Variants in LYPLAL1 observed in about 807,000 individuals in gnomAD.
The protein encoded by LYPLAL1 is lysophospholipase-like protein 1.
LYPLAL1 carries 23 observed loss-of-function variants against 19.7 expected under a neutral mutation model. That is an observed-to-expected ratio of 1.17 (90% confidence interval 0.84 to 1.65). The LOEUF is 1.65. Ranked by LOEUF, LYPLAL1 falls within the 40% of genes most tolerant of loss-of-function variation. LYPLAL1 has a pLI of 0.00. For missense variants in LYPLAL1, 355 were observed against 279.4 expected, an observed-to-expected ratio of 1.27 and a Z score of -1.93; for synonymous variants, 119 against 96.3, an observed-to-expected ratio of 1.24 and a Z score of -1.38.
chr1:219,310,503 C>A, the LYPLAL1 span, among the ~76,000 whole-genome samples: 1 of 152,210 alleles, frequency 6.6e-6, no homozygotes, highest in Admixed American at 6.5e-5. Context: ...AAGATCAAGG[C>A]CTGTGAGTAA....
the LYPLAL1 span, among the ~76,000 whole-genome samples, chr1:219,414,434 G>C: frequency 6.6e-6 from 1 of 152,082 alleles, no homozygotes; most frequent in Non-Finnish European, 1.5e-5. Flanking sequence ...GCAAATATCC[G>C]GACTTAAATT....
At chr1:219,350,923 C>T in the LYPLAL1 span, among the ~76,000 whole-genome samples, 1 of 152,080 alleles carries the variant, frequency 6.6e-6, no homozygotes, top group Admixed American at 6.6e-5. Flanking sequence ...CCTGGCAGGG[C>T]TTCTGCAAGA....
rs1409617361 is a variant in LYPLAL1, at chr1:219,193,258, C to A, written c.361+7C>A. 1 of 1,598,568 alleles carries A rather than the reference C, an allele frequency of 6.3e-7. No homozygotes were observed. Among genetic ancestry groups the A allele is most frequent in the Non-Finnish European group, 8.5e-7 (1 of 1,170,830 alleles). On this transcript the variant is annotated splice_region_variant and intron_variant, in intron 3 of 4. Coordinates refer to ENST00000366928, the MANE Select transcript of LYPLAL1 (RefSeq NM_138794.5). ...AAGAACAGGATATTAATAGGTAAGA[C>A]CTTTAAATGTTGGTAATTTATCACT...
chr1:219,286,051 G>A, the LYPLAL1 span, among the ~76,000 whole-genome samples: 1 of 152,146 alleles, frequency 6.6e-6, no homozygotes, highest in Non-Finnish European at 1.5e-5. Context: ...TGCATTTGGA[G>A]GGCTGCAGGT....
chr1:219,263,886 A>G, the LYPLAL1 span, among the ~76,000 whole-genome samples: 3 of 151,996 alleles, frequency 2.0e-5, no homozygotes, highest in Non-Finnish European at 4.4e-5. Context: ...TGGCTATCTC[A>G]TGGAGTTTGC....
the LYPLAL1 span, among the ~76,000 whole-genome samples, chr1:219,254,977 A>C: frequency 6.6e-6 from 1 of 151,438 alleles, no homozygotes; most frequent in Admixed American, 6.6e-5. Flanking sequence ...ATTCTTTTTT[A>C]TTTATTTTTG....
At chr1:219,417,714 CAG>C in the LYPLAL1 span, among the ~76,000 whole-genome samples, 1 of 152,254 alleles carries the variant, frequency 6.6e-6, no homozygotes, top group Non-Finnish European at 1.5e-5. Flanking sequence ...TCCCATCCTG[CAG>C]AGTCTTTTCA....
At chr1:219,412,526 C>T in the LYPLAL1 span, among the ~76,000 whole-genome samples, 1 of 152,190 alleles carries the variant, frequency 6.6e-6, no homozygotes, top group Non-Finnish European at 1.5e-5. Context: ...AGATGCATAG[C>T]ATGATACCTG....
At chr1:219,234,780 A>G in the LYPLAL1 span, among the ~76,000 whole-genome samples, 2 of 152,110 alleles carry the variant, frequency 1.3e-5, no homozygotes, top group Non-Finnish European at 2.9e-5. Context: ...TGGTATTTTT[A>G]TCACTTAGGA....
chr1:219,257,556 C>A, the LYPLAL1 span, among the ~76,000 whole-genome samples: 2 of 151,878 alleles, frequency 1.3e-5, no homozygotes, highest in African/African-American at 2.4e-5. Flanking sequence ...CCCACCTGAG[C>A]CGCAAAACCA....
At chr1:219,176,283 T>C (rs1655803945) in intron 1 of LYPLAL1, among the ~76,000 whole-genome samples, 1 of 152,214 alleles carries the variant, frequency 6.6e-6, no homozygotes, top group African/African-American at 2.4e-5. Context: ...CATAGGACAC[T>C]GGTTCTTCTT....
chr1:219,321,498 A>G, the LYPLAL1 span, among the ~76,000 whole-genome samples: 1 of 152,118 alleles, frequency 6.6e-6, no homozygotes, highest in Non-Finnish European at 1.5e-5. Context: ...TTGGTGTTTT[A>G]GACATGAAGT....
chr1:219,269,263 T>G, the LYPLAL1 span, among the ~76,000 whole-genome samples: 1 of 152,230 alleles, frequency 6.6e-6, no homozygotes, highest in East Asian at 1.9e-4. Flanking sequence ...GTTAGCTAAC[T>G]GCTTTTGCTT....
At chr1:219,308,842 G>A in the LYPLAL1 span, among the ~76,000 whole-genome samples, 3 of 152,190 alleles carry the variant, frequency 2.0e-5, no homozygotes, top group East Asian at 1.9e-4. Context: ...AGGGGTTGGA[G>A]CCCCCACACA....
At chr1:219,230,368 C>T in the LYPLAL1 span, among the ~76,000 whole-genome samples, 12 of 152,216 alleles carry the variant, frequency 7.9e-5, no homozygotes, top group Non-Finnish European at 1.8e-4. Context: ...ACCTCGGTCT[C>T]CCAAAGTTCT....
At chr1:219,381,465 G>T in the LYPLAL1 span, among the ~76,000 whole-genome samples, 1 of 152,092 alleles carries the variant, frequency 6.6e-6, no homozygotes, top group Non-Finnish European at 1.5e-5. Context: ...CTCACATAAG[G>T]TCTCTATTTT....
At chr1:219,373,871 AAAAAAAAAAAC>A in the LYPLAL1 span, among the ~76,000 whole-genome samples, 2 of 22,766 alleles carry the variant, frequency 8.8e-5, no homozygotes, top group Admixed American at 7.7e-4. Flanking sequence ...GTCAAAAAAA[AAAAAAAAAAAC>A]AAAAAAAAAA....
the LYPLAL1 span, among the ~76,000 whole-genome samples, chr1:219,405,072 A>C: frequency 0.53 from 80,612 of 152,104 alleles, 21,785 homozygotes; most frequent in East Asian, 0.81. Context: ...CTAAGCACCT[A>C]GCTGTATAAG....
the LYPLAL1 span, among the ~76,000 whole-genome samples, chr1:219,218,494 C>CT: frequency 1.7e-5 from 2 of 119,232 alleles, no homozygotes; most frequent in Admixed American, 2.0e-4. Context: ...AACATCGAGA[C>CT]TTTTTTTGCC....
Sources: gnomAD v4.1 joint callset for allele counts (sites outside exome capture counted in the v4.1 genomes callset) on GRCh38, gnomAD v4.1.1 for gene constraint, MANE v1.5 for transcripts, NCBI Gene and HGNC (gene_info 2026-07-23, HGNC 2026-07-21) for gene names.